The following DNAH14 variants were observed in gnomAD, a reference collection of about 807,000 sequenced individuals.
DNAH14 encodes axonemal beta dynein heavy chain 14.
A neutral mutation model predicts 520.9 loss-of-function variants in DNAH14; 478 were observed. That is an observed-to-expected ratio of 0.92 (90% CI 0.85 to 0.99). The LOEUF is 0.99. Among genes scored for constraint, DNAH14 ranks in the 50% least tolerant of loss-of-function variants. The pLI, the probability that DNAH14 is intolerant of heterozygous loss-of-function variation, is 0.00. For missense variants in DNAH14, 4,831 were observed against 5,234.5 expected (o/e 0.92, Z 2.38); for synonymous variants, 1,581 against 1,757.2 (o/e 0.90, Z 2.51).
At chr1:224,931,034 CA>C (rs1463698176) in intron 1 of DNAH14, among the ~76,000 whole-genome samples, 1 of 152,126 alleles carries the variant, frequency 6.6e-6, no homozygotes, top group Non-Finnish European at 1.5e-5. Context: ...ATGACAGCTC[CA>C]TGTGTTATTA....
intron 81 of DNAH14, among the ~76,000 whole-genome samples, chr1:225,387,719 G>A (rs1329481313): frequency 1.3e-5 from 2 of 152,150 alleles, no homozygotes; most frequent in Admixed American, 1.3e-4. Flanking sequence ...AGGGAGTGAG[G>A]CTTGAGTATG....
At chr1:225,135,400 T>C (rs2078862035) in intron 27 of DNAH14, among the ~76,000 whole-genome samples, 1 of 152,222 alleles carries the variant, frequency 6.6e-6, no homozygotes, top group South Asian at 2.1e-4. Context: ...TTTGCCTTTA[T>C]TTTATTATTT....
chr1:225,018,645 G>C (rs991959029), intron 10 of DNAH14, among the ~76,000 whole-genome samples: 2 of 152,132 alleles, frequency 1.3e-5, no homozygotes, highest in East Asian at 1.9e-4. Context: ...CTTAAAGGGA[G>C]TTAGAGAGAA....
intron 84 of DNAH14, chr1:225,396,386 T>C (rs988979466): frequency 3.9e-5 from 6 of 152,248 alleles, no homozygotes; most frequent in Admixed American, 6.5e-5. Context: ...TACTATGTGC[T>C]AAGCTCTTTA....
chr1:224,942,894 G>A (rs532937029), intron 1 of DNAH14, among the ~76,000 whole-genome samples: 25 of 152,274 alleles, frequency 1.6e-4, no homozygotes, highest in Admixed American at 9.8e-4. Flanking sequence ...TGTGCTGCTG[G>A]ATTTGGTTTG....
intron 49 of DNAH14, among the ~76,000 whole-genome samples, chr1:225,269,402 T>C (rs1178706086): frequency 3.3e-5 from 5 of 152,148 alleles, no homozygotes; most frequent in Non-Finnish European, 7.4e-5. Flanking sequence ...GCAATACCAT[T>C]CAGGACATAG....
In DNAH14 at chr1:225,127,607, C is replaced by A. The variant is rs1217165673; in HGVS notation, c.4254+3993C>A. 1.2e-4 allele frequency among the ~76,000 whole-genome samples: 19 copies of A among 152,208 alleles called. No individual in the cohort carries two copies. In the East Asian group the frequency reaches 3.7e-3, roughly 29 times the overall value. The stretch of plus-strand genomic sequence containing the variant: ...TATTTTGAGCCTATGTGTGTCTCTG[C>A]ACGTGAGATGGGTTTCCTGAATACA... On this transcript the variant is annotated intron_variant, in intron 27 of 85. Coordinates refer to ENST00000682510, the MANE Select transcript of DNAH14 (RefSeq NM_001367479.1).
In DNAH14 at chr1:225,097,228, A is replaced by C. The variant is rs1439713820; in HGVS notation, c.3684A>C (p.Ser1228=). The C allele has an allele frequency of 6.5e-7, 1 of 1,549,996 alleles. No individual in the cohort carries two copies. The highest frequency in any genetic ancestry group is 8.7e-7 in the Non-Finnish European group (1 of 1,146,256). ...WLYLEPVFHS[S]EIRRQLPAET... is the part of the protein sequence containing the mutation. ...ATCTTGAACCAGTCTTTCATTCTTCAGAAATACGAAGGTAAAATACCTAAA... is the reference window on the plus strand; with the variant it reads ...ATCTTGAACCAGTCTTTCATTCTTCCGAAATACGAAGGTAAAATACCTAAA... The change falls in exon 22 of 86, where the codon TCA becomes TCC. Residue 1228 remains serine (S), a synonymous_variant. Coordinates refer to ENST00000682510, the MANE Select transcript of DNAH14 (RefSeq NM_001367479.1).
At chr1:225,069,797 T>G (rs944671391) in intron 17 of DNAH14, among the ~76,000 whole-genome samples, 1 of 152,182 alleles carries the variant, frequency 6.6e-6, no homozygotes, top group Non-Finnish European at 1.5e-5. Context: ...CAGCCCTTCT[T>G]TGTTCATCTG....
chr1:225,112,532 GTTA>G lies in DNAH14; in HGVS notation c.3868-5146_3868-5144del, dbSNP rs150680032. 4.7e-3 allele frequency among the ~76,000 whole-genome samples: 722 copies of G among 152,126 alleles called. 4 individuals carry two copies. The highest frequency in any genetic ancestry group is 0.016 in the African/African-American group (678 of 41,524). ...TTTCTCTAGGTTTGAGAAGTTTTCT[GTTA>G]TTATTCATTTCAACCCCTGTCTTCA... is the stretch of plus-strand genomic sequence containing the variant. On this transcript the variant is annotated intron_variant, in intron 23 of 85. Transcript: ENST00000682510.
intron 41 of DNAH14, among the ~76,000 whole-genome samples, chr1:225,213,837 C>T (rs1043704908): frequency 2.6e-5 from 4 of 152,044 alleles, no homozygotes; most frequent in African/African-American, 9.7e-5. Context: ...TAGATATACA[C>T]TCATGTCATC....
chr1:225,344,763 A>G (rs6664318), intron 69 of DNAH14, among the ~76,000 whole-genome samples: 90,111 of 151,018 alleles, frequency 0.6, 28,038 homozygotes, highest in East Asian at 0.77. Context: ...TTGCCACACT[A>G]GAGTGCAGTG....
chr1:224,975,593 TG>T (rs2061770457), intron 8 of DNAH14, among the ~76,000 whole-genome samples: 2 of 151,532 alleles, frequency 1.3e-5, no homozygotes, highest in African/African-American at 4.9e-5. Flanking sequence ...CATTTTTTAT[TG>T]CGTCTATTTG....
chr1:225,292,270 T>A (rs779344146), intron 55 of DNAH14, among the ~76,000 whole-genome samples: 9 of 152,152 alleles, frequency 5.9e-5, no homozygotes, highest in Non-Finnish European at 1.0e-4. Context: ...TTTGAGTTGA[T>A]TCTTGGATGG....
chr1:225,299,343 G>A (rs2094089173), intron 55 of DNAH14, among the ~76,000 whole-genome samples: 1 of 152,146 alleles, frequency 6.6e-6, no homozygotes, highest in Non-Finnish European at 1.5e-5. Context: ...TAGTTATTGA[G>A]TATTGTTTCA....
chr1:224,966,088 T>A (rs922875647), intron 5 of DNAH14, among the ~76,000 whole-genome samples: 2 of 152,148 alleles, frequency 1.3e-5, no homozygotes, highest in Admixed American at 1.3e-4. Flanking sequence ...TATAGATAAC[T>A]CAAATGGCCA....
chr1:225,198,393 T>C (rs12032782), intron 38 of DNAH14, among the ~76,000 whole-genome samples: 36,719 of 151,700 alleles, frequency 0.24, 5,392 homozygotes, highest in Non-Finnish European at 0.32. Context: ...ATTTTTTGTA[T>C]TTTTTAGTAG....
chr1:225,004,968 C>T (rs911263866), intron 9 of DNAH14, among the ~76,000 whole-genome samples: 2 of 152,076 alleles, frequency 1.3e-5, no homozygotes, highest in Non-Finnish European at 2.9e-5. Context: ...AGGTAAAGAA[C>T]ATATGTTCTT....
chr1:225,299,905 GC>G (rs1284564097), intron 55 of DNAH14, among the ~76,000 whole-genome samples: 1 of 152,120 alleles, frequency 6.6e-6, no homozygotes, highest in Non-Finnish European at 1.5e-5. Context: ...CAAGCTCTCT[GC>G]CCTTCCCCAC....
Sources: allele counts gnomAD v4.1 joint callset (sites outside exome capture counted in the v4.1 genomes callset), GRCh38; gene constraint gnomAD v4.1.1; transcripts MANE v1.5; gene names NCBI Gene and HGNC (gene_info 2026-07-23, HGNC 2026-07-21).